EHD3: variants seen among roughly 807,000 people sequenced by gnomAD.
EHD3 encodes EH domain-containing protein 3.
In EHD3, 17 loss-of-function variants were observed where a neutral mutation model predicts 43.0. The ratio of observed to expected loss-of-function variants is 0.40; its 90% CI spans 0.27 to 0.59. EHD3 has a LOEUF of 0.59. EHD3 is among the 20% of genes least tolerant of loss of function. EHD3 has a pLI of 0.49. For synonymous variants in EHD3, 313 were observed against 289.5 expected (o/e 1.08, Z -0.82); for missense variants, 594 against 705.6 (o/e 0.84, Z 1.79).
chr2:31,241,819 A>G (rs1416613845), intron 1 of EHD3, among the ~76,000 whole-genome samples: 1 of 152,208 alleles, frequency 6.6e-6, no homozygotes, highest in Admixed American at 6.5e-5. Flanking sequence ...AGGAGAAGGT[A>G]TTCTGAGAAG....
intron 1 of EHD3, among the ~76,000 whole-genome samples, chr2:31,238,268 C>G (rs1380329152): frequency 1.3e-5 from 2 of 152,146 alleles, no homozygotes; most frequent in African/African-American, 2.4e-5. Context: ...TGCCTTGATT[C>G]TTGTCTCCAT....
chr2:31,248,018 C>T (rs892104892), intron 2 of EHD3, among the ~76,000 whole-genome samples: 9 of 152,208 alleles, frequency 5.9e-5, no homozygotes, highest in Non-Finnish European at 1.3e-4. Context: ...GGCTGGGAGT[C>T]TGCCAGGCAT....
intron 1 of EHD3, among the ~76,000 whole-genome samples, chr2:31,237,819 C>G (rs1683350117): frequency 6.6e-6 from 1 of 152,200 alleles, no homozygotes; most frequent in Non-Finnish European, 1.5e-5. Flanking sequence ...ATTCATTCAA[C>G]TAATGAATAG....
chr2:31,251,178 C>T (rs900928857), intron 3 of EHD3, among the ~76,000 whole-genome samples: 10 of 152,230 alleles, frequency 6.6e-5, no homozygotes, highest in Non-Finnish European at 1.3e-4. Context: ...CTGTCCAGTG[C>T]TCCTGTGAGC....
chr2:31,236,194 A>G (rs527571577), intron 1 of EHD3, among the ~76,000 whole-genome samples: 1 of 152,198 alleles, frequency 6.6e-6, no homozygotes, highest in Non-Finnish European at 1.5e-5. Flanking sequence ...TCATGTCTAA[A>G]CACAACACCA....
rs193165601 is a variant in EHD3, at chr2:31,264,654, C to T, written c.1081-1523C>T. On this transcript the variant is annotated intron_variant, in intron 5 of 5. Coordinates refer to ENST00000322054, the MANE Select transcript of EHD3 (RefSeq NM_014600.3). Reference sequence around the variant, plus strand: ...GTTCAAGCGATTCTCCTCAGCCTCCCGAGTAGCTGGGACCACAGGCATGTG... The same window carrying T: ...GTTCAAGCGATTCTCCTCAGCCTCCTGAGTAGCTGGGACCACAGGCATGTG... 2.3e-3 allele frequency among the ~76,000 whole-genome samples: 349 copies of T among 151,546 alleles called. 1 individual carries two copies. The highest frequency in any genetic ancestry group is 8.1e-3 in the African/African-American group (336 of 41,272).
At chr2:31,245,873 G>C (rs985170925) in intron 2 of EHD3, among the ~76,000 whole-genome samples, 2 of 151,322 alleles carry the variant, frequency 1.3e-5, no homozygotes, top group African/African-American at 4.9e-5. Context: ...GAGCCACCGT[G>C]CCTGGCCCCA....
rs759653632 is a variant in EHD3 at position 31,249,487 on chromosome 2, G to A, written c.502+19G>A. 8 of 1,611,688 alleles carry A rather than the reference G, an allele frequency of 5.0e-6. No homozygotes were observed. The highest frequency in any genetic ancestry group is 6.8e-6 in the Non-Finnish European group (8 of 1,178,038). On this transcript the variant is annotated intron_variant, in intron 3 of 5. Coordinates refer to ENST00000322054, the MANE Select transcript of EHD3 (RefSeq NM_014600.3). ...AGCCGGGGTAAGCAACCTGCCTGAG[G>A]GGTGTTGGCTGTGGGCTCCATGGTT...
At chr2:31,239,776 C>A (rs1465733629) in intron 1 of EHD3, among the ~76,000 whole-genome samples, 1 of 152,206 alleles carries the variant, frequency 6.6e-6, no homozygotes, top group African/African-American at 2.4e-5. Flanking sequence ...GAGGCAGAAC[C>A]AGTTTAGCAC....
intron 1 of EHD3, among the ~76,000 whole-genome samples, chr2:31,239,126 C>G (rs1281343879): frequency 6.6e-6 from 1 of 152,210 alleles, no homozygotes; most frequent in Non-Finnish European, 1.5e-5. Context: ...CGCACCAGCT[C>G]TCATCACCAC....
At position 31,260,305 on chromosome 2, in the gene EHD3, A is replaced by T. The variant is rs1349558759; in HGVS notation, c.503-205A>T. On this transcript the variant is annotated intron_variant, in intron 3 of 5. Coordinates refer to ENST00000322054, the MANE Select transcript of EHD3 (RefSeq NM_014600.3). The surrounding 1 kb of genome is among the most constrained non-coding windows in gnomAD (Gnocchi z 4.6). ...AACTAGGTATTCATATTATTTTAGT[A>T]TTTAACAGTATTTTTAGACGAAAAA... Among the ~76,000 whole-genome samples, 1 of 152,204 alleles carries T rather than the reference A, an allele frequency of 6.6e-6. No homozygotes were observed. Among genetic ancestry groups the T allele is most frequent in the Non-Finnish European group, 1.5e-5 (1 of 68,042 alleles).
intron 5 of EHD3, among the ~76,000 whole-genome samples, chr2:31,265,767 A>C (rs996835104): frequency 3.9e-5 from 6 of 152,158 alleles, no homozygotes; most frequent in African/African-American, 1.4e-4. Context: ...ATTAAAGTAG[A>C]GGCCCACATG....
chr2:31,234,421 C>G lies in EHD3; in HGVS notation c.-201C>G, dbSNP rs1225585906. The G allele has an allele frequency of 1.7e-6, 1 of 595,020 alleles. No homozygotes were observed. The highest frequency in any genetic ancestry group is 1.9e-5 in the African/African-American group (1 of 52,796). The allele number at this position is 595,020 out of a possible 1,614,324, so 36.9% of individuals were successfully genotyped here. A position where few individuals can be genotyped will look rare whatever the true frequency, so the allele number is the denominator to read the frequency against. Reference sequence around the variant, plus strand: ...CGGCCTGGGCTGCTGGATGCAGCAGCGGCTGGGCTTGGTCCCAGGAGCAGG... The same window carrying G: ...CGGCCTGGGCTGCTGGATGCAGCAGGGGCTGGGCTTGGTCCCAGGAGCAGG... On this transcript the variant is annotated 5_prime_UTR_variant, in exon 1 of 6. Coordinates refer to ENST00000322054, the MANE Select transcript of EHD3 (RefSeq NM_014600.3).
At chr2:31,250,488 G>C (rs185105730) in intron 3 of EHD3, among the ~76,000 whole-genome samples, 25 of 152,022 alleles carry the variant, frequency 1.6e-4, no homozygotes, top group Non-Finnish European at 2.6e-4. Flanking sequence ...GAATGGTCTC[G>C]ATCTCCTGAC....
At chr2:31,236,431 A>G (rs1319669789) in intron 1 of EHD3, among the ~76,000 whole-genome samples, 1 of 152,244 alleles carries the variant, frequency 6.6e-6, no homozygotes, top group African/African-American at 2.4e-5. Context: ...TTGGGGGTCC[A>G]AGGGCCTTCT....
chr2:31,261,451 G>C, intron 4 of EHD3, 98 bp from the exon 5 acceptor site: 1 of 1,390,706 alleles, frequency 7.2e-7, no homozygotes, highest in Non-Finnish European at 9.9e-7. Flanking sequence ...GAGGAGGCGG[G>C]AGGGATGTAG....
At position 31,234,435 on chromosome 2, in the gene EHD3, C is replaced by G. The variant is rs1683283910; in HGVS notation, c.-187C>G. The G allele has an allele frequency of 3.2e-6, 2 of 622,736 alleles. No homozygotes were observed. Among genetic ancestry groups the G allele is most frequent in the Non-Finnish European group, 5.5e-6 (2 of 360,548 alleles). 38.6% of individuals were successfully genotyped at this position (622,736 alleles called of 1,614,324 possible). On this transcript the variant is annotated 5_prime_UTR_variant, in exon 1 of 6. Transcript: ENST00000322054. ...GGATGCAGCAGCGGCTGGGCTTGGTCCCAGGAGCAGGGAGAGTGCGCTCCC... is the reference window on the plus strand; with the variant it reads ...GGATGCAGCAGCGGCTGGGCTTGGTGCCAGGAGCAGGGAGAGTGCGCTCCC...
At position 31,266,137 on chromosome 2, in the gene EHD3, C is replaced by A. The variant is rs769863130; in HGVS notation, c.1081-40C>A. On this transcript the variant is annotated intron_variant, in intron 5 of 5. Transcript: ENST00000322054. The surrounding 1 kb of genome is among the most constrained non-coding windows in gnomAD (Gnocchi z 5.1). The stretch of plus-strand genomic sequence containing the variant: ...CGTGATAAATGGAGGGCTCTCCTTT[C>A]ATCGTATCCTATCTTCATCCTCTCT... The A allele has an allele frequency of 1.0e-5, 16 of 1,565,770 alleles. No homozygotes were observed. In the South Asian group the frequency reaches 1.3e-4, roughly 13 times the overall value.
chr2:31,241,722 CT>C (rs1683428598), intron 1 of EHD3, among the ~76,000 whole-genome samples: 1 of 152,204 alleles, frequency 6.6e-6, no homozygotes, highest in Non-Finnish European at 1.5e-5. Flanking sequence ...TAAGTACCCC[CT>C]GAAGAGCATA....
Sources: gnomAD v4.1 joint callset for allele counts (sites outside exome capture counted in the v4.1 genomes callset) on GRCh38, gnomAD v4.1.1 for gene constraint, Gnocchi (gnomAD v3.1) non-coding constraint, MANE v1.5 for transcripts, NCBI Gene and HGNC (gene_info 2026-07-23, HGNC 2026-07-21) for gene names.